The following GLE1 variants were observed in gnomAD, a reference collection of about 807,000 sequenced individuals.
The protein encoded by GLE1 is GLE1 RNA export mediator, also known as mRNA export factor GLE1.
GLE1 carries 78 observed loss-of-function variants against 97.3 expected under a neutral mutation model. The ratio of observed to expected loss-of-function variants is 0.80; its 90% CI spans 0.67 to 0.97. GLE1 has a LOEUF of 0.97. Ranked by LOEUF, GLE1 falls within the 50% of genes least tolerant of loss-of-function variation. GLE1 has a pLI of 0.00. For synonymous variants in GLE1, 302 were observed against 313.4 expected (o/e 0.96, Z 0.39); for missense variants, 753 against 857.5 (o/e 0.88, Z 1.52).
In GLE1 at chr9:128,540,342, A is replaced by T; in HGVS notation, c.2028+4A>T. The T allele has an allele frequency of 6.3e-7, 1 of 1,588,014 alleles. No individual in the cohort carries two copies. Among genetic ancestry groups the T allele is most frequent in the Non-Finnish European group, 8.6e-7 (1 of 1,156,206 alleles). Reference sequence around the variant, plus strand: ...ACGCCTCAAGCAGTTCTTGGAGGTAAGATGCCCTTAGACCAACATGCCCCA... The same window carrying T: ...ACGCCTCAAGCAGTTCTTGGAGGTATGATGCCCTTAGACCAACATGCCCCA... On this transcript the variant is annotated splice_donor_region_variant and intron_variant, in intron 15 of 15. Coordinates refer to ENST00000309971, the MANE Select transcript of GLE1 (RefSeq NM_001003722.2).
chr9:128,504,867 G>A lies in GLE1; in HGVS notation c.62G>A (p.Arg21His). 1 of 1,613,326 alleles carries A rather than the reference G, an allele frequency of 6.2e-7. No individual in the cohort carries two copies. The highest frequency in any genetic ancestry group is 1.1e-5 in the South Asian group (1 of 91,072). ...GCCCTACGCAGTTCCGACAAAGGTC[G>A]CCTTTGCTACTACCGCGACTGGCTG... Reference protein sequence around the residue: ...LKALRSSDKGRLCYYRDWLLR... With the variant: ...LKALRSSDKGHLCYYRDWLLR... The change falls in exon 1 of 16, where the codon CGC becomes CAC. Residue 21 changes from arginine (R) to histidine (H), a missense_variant. By Grantham distance (29) the Arg-to-His change is conservative. Coordinates refer to ENST00000309971, the MANE Select transcript of GLE1 (RefSeq NM_001003722.2).
intron 9 of GLE1, among the ~76,000 whole-genome samples, chr9:128,529,215 G>A (rs926104895): frequency 9.2e-5 from 14 of 152,222 alleles, no homozygotes; most frequent in African/African-American, 2.7e-4. Context: ...CTCGATGGCC[G>A]TTCCCAGTTC....
intron 13 of GLE1, among the ~76,000 whole-genome samples, chr9:128,538,549 C>G (rs1484966831): frequency 6.6e-6 from 1 of 152,152 alleles, no homozygotes; most frequent in Admixed American, 6.6e-5. Flanking sequence ...GTAATCCCAG[C>G]ACTTTGGGAG....
In GLE1 at chr9:128,522,903, A is replaced by G. The variant is rs949809478; in HGVS notation, c.581+87A>G. On this transcript the variant is annotated intron_variant, in intron 4 of 15. Transcript: ENST00000309971. ...AGGAATTCCAAAGGGAAAGAGTTGA[A>G]CAACTTCTGAGTCCTTAAATATCAA... is the stretch of plus-strand genomic sequence containing the variant. 6.2e-6 allele frequency: 9 copies of G among 1,459,860 alleles called. No homozygotes were observed. The African/African-American group carries it at 9.7e-5, about 16-fold the overall frequency. 90.4% of individuals were successfully genotyped at this position (1,459,860 alleles called of 1,614,324 possible).
chr9:128,504,749 T>C lies in GLE1; in HGVS notation c.-57T>C, dbSNP rs958882839. The C allele has an allele frequency of 3.3e-6, 4 of 1,212,278 alleles. No homozygotes were observed. Among genetic ancestry groups the C allele is most frequent in the Non-Finnish European group, 4.9e-6 (4 of 817,236 alleles). The allele number at this position is 1,212,278 out of a possible 1,614,324, so 75.1% of individuals were successfully genotyped here. A position where few individuals can be genotyped will look rare whatever the true frequency, so the allele number is the denominator to read the frequency against. On this transcript the variant is annotated 5_prime_UTR_variant, in exon 1 of 16. Transcript: ENST00000309971. ...CCTGTGTGGCCTTCCCGGCGGCTGA[T>C]TCGAGGGCTTGTTTGGTCAGAAGGG... is the stretch of plus-strand genomic sequence containing the variant.
At chr9:128,513,510 C>T (rs953052536) in intron 2 of GLE1, among the ~76,000 whole-genome samples, 1 of 151,892 alleles carries the variant, frequency 6.6e-6, no homozygotes, top group Non-Finnish European at 1.5e-5. Flanking sequence ...TGAGCTCAGG[C>T]ATTCGAGACT....
Position 128,539,602 on chromosome 9 carries a change from G to A in GLE1, c.1882-14G>A. The A allele has an allele frequency of 6.2e-7, 1 of 1,609,226 alleles. No individual in the cohort carries two copies. Among genetic ancestry groups the A allele is most frequent in the Non-Finnish European group, 8.5e-7 (1 of 1,175,576 alleles). On this transcript the variant is annotated splice_polypyrimidine_tract_variant and intron_variant, in intron 13 of 15. Transcript: ENST00000309971. The stretch of plus-strand genomic sequence containing the variant: ...TTCATTTTCTGCTCTGACAGTGCCT[G>A]TCTTTCCCTCTAGGTGTGTGGGAAT...
At chr9:128,517,107 T>G (rs551367603) in intron 3 of GLE1, among the ~76,000 whole-genome samples, 5 of 151,650 alleles carry the variant, frequency 3.3e-5, no homozygotes, top group Non-Finnish European at 7.4e-5. Context: ...CTGGCCAACA[T>G]GGCGAAACCC....
chr9:128,517,979 G>A (rs958517784), intron 3 of GLE1, among the ~76,000 whole-genome samples: 10 of 151,986 alleles, frequency 6.6e-5, no homozygotes, highest in African/African-American at 2.4e-4. Flanking sequence ...GTTATCTAAA[G>A]ATCCTTATTG....
chr9:128,504,989 C>A (rs923613181), intron 1 of GLE1, 85 bp downstream of exon 1: 2 of 869,182 alleles, frequency 2.3e-6, no homozygotes, highest in African/African-American at 1.6e-5. Context: ...GTTCTGCTCC[C>A]GGGAACCCGT....
chr9:128,519,300 C>T (rs185945120), intron 3 of GLE1, among the ~76,000 whole-genome samples: 1,836 of 152,278 alleles, frequency 0.012, 40 homozygotes, highest in African/African-American at 0.042. Flanking sequence ...CTCTGACCGC[C>T]GGTGAGCTGG....
chr9:128,539,243 TAAA>T (rs1847817259), intron 13 of GLE1, among the ~76,000 whole-genome samples: 2 of 151,852 alleles, frequency 1.3e-5, no homozygotes, highest in South Asian at 4.2e-4. Flanking sequence ...CAAAAAAAAA[TAAA>T]AAGCTCCTGA....
Position 128,508,986 on chromosome 9 carries a change from G to A in GLE1, c.210G>A (p.Ser70=), listed in dbSNP as rs765678276. The change falls in exon 2 of 16, where the codon TCG becomes TCA. Residue 70 remains serine (S), a synonymous_variant. Transcript: ENST00000309971. ...MQENQPLSET[S]PSSTSASALD... Reference sequence around the variant, plus strand: ...AGAACCAACCTCTGTCTGAGACTTCGCCATCCTCTACGTCAGCTTCAGCCC... The same window carrying A: ...AGAACCAACCTCTGTCTGAGACTTCACCATCCTCTACGTCAGCTTCAGCCC... 1.9e-6 allele frequency: 3 copies of A among 1,610,990 alleles called. No individual in the cohort carries two copies. The highest frequency in any genetic ancestry group is 1.1e-5 in the South Asian group (1 of 91,024).
At chr9:128,516,954 G>A (rs920927294) in intron 3 of GLE1, among the ~76,000 whole-genome samples, 1 of 151,860 alleles carries the variant, frequency 6.6e-6, no homozygotes, top group African/African-American at 2.4e-5. Flanking sequence ...GGAAAGCAAT[G>A]CATGATCTTG....
chr9:128,510,677 C>T (rs1411355976), intron 2 of GLE1, among the ~76,000 whole-genome samples: 7 of 151,080 alleles, frequency 4.6e-5, no homozygotes, highest in East Asian at 2.0e-4. Flanking sequence ...TACAGGTGTG[C>T]GCCACCATGC....
rs953464975 is a variant in GLE1 at position 128,522,782 on chromosome 9, G to C, written c.547G>C (p.Glu183Gln). ...ATGGAAGGAACTGAAGCAGCATAAA[G>C]AATTCCAGGACTTGCGGGAAGTAAT... ...DEWKELKQHK[E>Q]FQDLREVMEK... The change falls in exon 4 of 16, where the codon GAA becomes CAA. Residue 183 changes from glutamate to glutamine, a missense_variant. By Grantham distance (29) the Glu-to-Gln change is conservative (BLOSUM62 2). Coordinates refer to ENST00000309971, the MANE Select transcript of GLE1 (RefSeq NM_001003722.2). 6.2e-7 allele frequency: 1 copy of C among 1,613,702 alleles called. No individual in the cohort carries two copies. The highest frequency in any genetic ancestry group is 8.5e-7 in the Non-Finnish European group (1 of 1,179,874).
chr9:128,527,399 A>G, intron 8 of GLE1, 57 bp from the exon 9 acceptor site: 1 of 1,350,112 alleles, frequency 7.4e-7, no homozygotes, highest in South Asian at 1.2e-5. Flanking sequence ...ACCTGATTCT[A>G]AGTGACATCT....
chr9:128,509,036 A>C lies in GLE1; in HGVS notation c.260A>C (p.Lys87Thr), dbSNP rs141903692. The C allele has an allele frequency of 1.2e-6, 2 of 1,613,824 alleles. No homozygotes were observed. Among genetic ancestry groups the C allele is most frequent in the African/African-American group, 2.7e-5 (2 of 74,892 alleles). The change falls in exon 2 of 16, where the codon AAA (lysine) becomes ACA (threonine). Residue 87 changes from lysine (K) to threonine (T), a missense_variant. Physicochemically the swap from Lys to Thr is moderately conservative, Grantham distance 78 (BLOSUM62 -1). Coordinates refer to ENST00000309971, the MANE Select transcript of GLE1 (RefSeq NM_001003722.2). Reference sequence around the variant, plus strand: ...CTAGATCAACCCTCATTTGTTCCCAAATCTCCTGACGCAAGCTCTGCCTTT... The same window carrying C: ...CTAGATCAACCCTCATTTGTTCCCACATCTCCTGACGCAAGCTCTGCCTTT... ...SALDQPSFVP[K>T]SPDASSAFSP...
intron 13 of GLE1, among the ~76,000 whole-genome samples, chr9:128,538,652 C>T (rs10819396): frequency 0.59 from 90,055 of 152,084 alleles, 31,015 homozygotes; most frequent in Non-Finnish European, 0.78. Context: ...AAAAATCAGC[C>T]GGGTGTGATG....
Sources: gnomAD v4.1 joint callset for allele counts (sites outside exome capture counted in the v4.1 genomes callset) on GRCh38, gnomAD v4.1.1 for gene constraint, MANE v1.5 for transcripts, NCBI Gene and HGNC (gene_info 2026-07-23, HGNC 2026-07-21) for gene names.